USP44: variants seen among roughly 807,000 people sequenced by gnomAD.
The protein encoded by USP44 is ubiquitin specific peptidase 44, also known as ubiquitin carboxyl-terminal hydrolase 44.
In USP44, 61 loss-of-function variants were observed where a neutral mutation model predicts 69.0. The ratio of observed to expected loss-of-function variants is 0.88; its 90% CI spans 0.72 to 1.09. The LOEUF (loss-of-function observed/expected upper bound fraction) is 1.09, where lower values mean the gene tolerates loss of function less well. Among genes scored for constraint, USP44 ranks in the 50% least tolerant of loss-of-function variants. The probability of loss-of-function intolerance (pLI) is 0.00; values close to 1 mark genes in which losing one functional copy is unlikely to be tolerated. For missense variants in USP44, 753 were observed against 849.9 expected (o/e 0.89, Z 1.42); for synonymous variants, 297 against 295.4 (o/e 1.01, Z -0.06).
At chr12:95,547,185 G>A (rs2077600633) in intron 1 of USP44, among the ~76,000 whole-genome samples, 1 of 152,094 alleles carries the variant, frequency 6.6e-6, no homozygotes, top group South Asian at 2.1e-4. Flanking sequence ...AGAAAAACAG[G>A]ACTGATACAC....
chr12:95,542,282 T>C (rs2140354017), intron 1 of USP44, among the ~76,000 whole-genome samples: 1 of 152,348 alleles, frequency 6.6e-6, no homozygotes, highest in South Asian at 2.1e-4. Context: ...CTTTGCCACC[T>C]AACTGTTGGG....
At position 95,524,711 on chromosome 12, in the gene USP44, G is replaced by A; in HGVS notation, c.1702C>T (p.Gln568Ter). The A allele has an allele frequency of 1.2e-6, 2 of 1,612,568 alleles. No homozygotes were observed. Among genetic ancestry groups the A allele is most frequent in the Non-Finnish European group, 1.7e-6 (2 of 1,179,458 alleles). Residue 568 changes from glutamine (Q) to a stop codon, truncating the protein, a stop_gained, in exon 4 of 6, where the codon CAG becomes TAG. Coordinates refer to ENST00000258499, the MANE Select transcript of USP44 (RefSeq NM_032147.5). LOFTEE classifies it high-confidence loss of function. The stretch of plus-strand genomic sequence containing the variant: ...CGTTTGAGGTGCAGTCTGAGAACCT[G>A]AGGTAGGTGGCATATCATAAGTTGT... ...QKQLMICHLPQVLRLHLKRFR... is the reference protein window; with the variant it reads ...QKQLMICHLP
chr12:95,547,804 G>A (rs1457824320), intron 1 of USP44, among the ~76,000 whole-genome samples: 1 of 152,166 alleles, frequency 6.6e-6, no homozygotes, highest in East Asian at 1.9e-4. Flanking sequence ...GCGGGAGTGG[G>A]GGACTTGAGG....
At chr12:95,544,505 T>G (rs969029757) in intron 1 of USP44, among the ~76,000 whole-genome samples, 3 of 152,104 alleles carry the variant, frequency 2.0e-5, no homozygotes, top group African/African-American at 7.2e-5. Flanking sequence ...GTACCAAAGG[T>G]CAATGGTATG....
intron 1 of USP44, among the ~76,000 whole-genome samples, chr12:95,549,405 C>A (rs1019082642): frequency 6.6e-6 from 1 of 152,070 alleles, no homozygotes; most frequent in African/African-American, 2.4e-5. Flanking sequence ...CGAAATTGCC[C>A]ATTTAAATAA....
At chr12:95,520,741 TCTGA>T (rs1279275727) in intron 5 of USP44, among the ~76,000 whole-genome samples, 4 of 152,178 alleles carry the variant, frequency 2.6e-5, no homozygotes, top group African/African-American at 4.8e-5. Flanking sequence ...AAGTTAACAC[TCTGA>T]CTTTTAGTTA....
At position 95,528,949 on chromosome 12, in the gene USP44, G is replaced by A. The variant is rs755505779; in HGVS notation, c.1482C>T (p.Asp494=). ...ACCTTTCTGGAAACTCCAATGACAA[G>A]TCCCAGAAAGGTTCTATGGTATTTG... The part of the protein sequence containing the change: ...NKSNTIEPFW[D]LSLEFPERYQ... The change falls in exon 3 of 6, where the codon GAC becomes GAT. Residue 494 remains aspartate (D), a synonymous_variant. Transcript: ENST00000258499. The A allele has an allele frequency of 6.2e-7, 1 of 1,613,916 alleles. No individual in the cohort carries two copies. Among genetic ancestry groups the A allele is most frequent in the African/African-American group, 1.3e-5 (1 of 75,034 alleles).
Position 95,533,819 on chromosome 12 carries a change from C to G in USP44, c.438G>C (p.Leu146=). 6.2e-7 allele frequency: 1 copy of G among 1,614,116 alleles called. No homozygotes were observed. The highest frequency in any genetic ancestry group is 1.1e-5 in the South Asian group (1 of 91,082). ...TTCTCCTGTGCCAAAGAGCAGTATA[C>G]AGTTGATCTTCACTTTGAAGCAGAG... ...AQSLLQSEDQ[L]YTALWHRRRI... Residue 146 remains leucine, a synonymous_variant, in exon 2 of 6, where the codon CTG becomes CTC. Transcript: ENST00000258499.
At chr12:95,542,759 A>C (rs534910372) in intron 1 of USP44, among the ~76,000 whole-genome samples, 5 of 150,034 alleles carry the variant, frequency 3.3e-5, no homozygotes, top group South Asian at 4.2e-4. Context: ...TCAAAAAAAA[A>C]ACCAAAACAC....
At chr12:95,549,488 A>T (rs1846027372) in intron 1 of USP44, among the ~76,000 whole-genome samples, 1 of 152,194 alleles carries the variant, frequency 6.6e-6, no homozygotes, top group Admixed American at 6.5e-5. Context: ...GTACCTGAAA[A>T]TTAACCCATT....
chr12:95,529,561 T>C (rs894560819), intron 2 of USP44, among the ~76,000 whole-genome samples: 1 of 152,136 alleles, frequency 6.6e-6, no homozygotes, highest in African/African-American at 2.4e-5. Context: ...GTAGCTGGAC[T>C]ACAGGTGCCA....
At position 95,538,022 on chromosome 12, in the gene USP44, T is replaced by C. The variant is rs148891907; in HGVS notation, c.-70-3696A>G. Among the ~76,000 whole-genome samples the C allele has an allele frequency of 7.2e-5, 11 of 152,302 alleles. No homozygotes were observed. The East Asian group carries it at 2.1e-3, about 29-fold the overall frequency. Reference sequence around the variant, plus strand: ...TTAGATAATAACAAAGTACTTGACCTTCAAAGGGAAGTGGCATCTATAATT... The same window carrying C: ...TTAGATAATAACAAAGTACTTGACCCTCAAAGGGAAGTGGCATCTATAATT... On this transcript the variant is annotated intron_variant, in intron 1 of 5. Transcript: ENST00000258499.
At chr12:95,519,356 A>C (rs917004720) in intron 5 of USP44, among the ~76,000 whole-genome samples, 1 of 151,794 alleles carries the variant, frequency 6.6e-6, no homozygotes, top group African/African-American at 2.4e-5. Context: ...AATACCTCAT[A>C]ATGTCTATGC....
chr12:95,528,328 C>T (rs1479578597), intron 3 of USP44, among the ~76,000 whole-genome samples: 2 of 152,220 alleles, frequency 1.3e-5, no homozygotes, highest in Admixed American at 1.3e-4. Context: ...AGAGACAGTG[C>T]ATGGTTTTGA....
chr12:95,540,468 G>A (rs749709609), intron 1 of USP44, among the ~76,000 whole-genome samples: 2 of 150,906 alleles, frequency 1.3e-5, no homozygotes, highest in Middle Eastern at 3.2e-3. Flanking sequence ...TCAGCCTCCC[G>A]AGTAGCTGGG....
rs1405909944 is a variant in USP44, at chr12:95,548,826, TCGGCGGCCGCGACGACCCGGTG to T, written c.-71+2424_-71+2445del. The T allele has an allele frequency of 4.0e-5, 6 of 151,712 alleles. No homozygotes were observed. The highest frequency in any genetic ancestry group is 6.6e-5 in the Admixed American group (1 of 15,244). 9.4% of individuals were successfully genotyped at this position (151,712 alleles called of 1,614,324 possible). A position where few individuals can be genotyped will look rare whatever the true frequency, so the allele number is the denominator to read the frequency against. On this transcript the variant is annotated intron_variant, in intron 1 of 5. Transcript: ENST00000258499. This position sits in a 1 kb window ranked among gnomAD's most constrained non-coding sequence, Gnocchi z 4.1. Reference sequence around the variant, plus strand: ...TCACCCCGGCCCCCCGCCCCCCGGTTCGGCGGCCGCGACGACCCGGTGCGGCGGCTACGACAGCCGTGACGCG... The same window carrying T: ...TCACCCCGGCCCCCCGCCCCCCGGTTCGGCGGCTACGACAGCCGTGACGCG...
At chr12:95,529,223 T>G (rs1490080801) in intron 2 of USP44, among the ~76,000 whole-genome samples, 1 of 152,126 alleles carries the variant, frequency 6.6e-6, no homozygotes, top group Non-Finnish European at 1.5e-5. Context: ...CTTTAACTAC[T>G]GGGCATTCAA....
At chr12:95,532,700 TA>T in intron 2 of USP44, 128 bp downstream of exon 2, 1 of 747,802 alleles carries the variant, frequency 1.3e-6, no homozygotes, top group Non-Finnish European at 2.1e-6. Flanking sequence ...TACATATTTA[TA>T]AAAACAATCT....
At chr12:95,524,649 T>C in intron 4 of USP44, 31 bp downstream of exon 4, 3 of 1,512,732 alleles carry the variant, frequency 2.0e-6, no homozygotes, top group Middle Eastern at 1.7e-4. Context: ...GCACAAGGAA[T>C]GATAACTTTG....
Sources: gnomAD v4.1 joint callset for allele counts (sites outside exome capture counted in the v4.1 genomes callset) on GRCh38, gnomAD v4.1.1 for gene constraint, Gnocchi (gnomAD v3.1) non-coding constraint, MANE v1.5 for transcripts, NCBI Gene and HGNC (gene_info 2026-07-23, HGNC 2026-07-21) for gene names.